NEXN: variants seen among roughly 807,000 people sequenced by gnomAD.
NEXN encodes nexilin F-actin binding protein.
NEXN carries 65 observed loss-of-function variants against 92.6 expected under a neutral mutation model. The ratio of observed to expected loss-of-function variants is 0.70; its 90% confidence interval spans 0.57 to 0.86. The LOEUF is 0.86. NEXN is among the 40% of genes least tolerant of loss of function. The pLI is 0.00. For synonymous variants in NEXN, 254 were observed against 242.5 expected (o/e 1.05, Z -0.44); for missense variants, 778 against 771.1 (o/e 1.01, Z -0.11).
intron 11 of NEXN, among the ~76,000 whole-genome samples, chr1:77,938,429 T>C (rs549554280): frequency 2.6e-5 from 4 of 151,846 alleles, no homozygotes; most frequent in Admixed American, 2.6e-4. Flanking sequence ...GGCGGGCGGA[T>C]CACCAGGTCA....
chr1:77,890,999 C>T (rs9662911), intron 1 of NEXN, among the ~76,000 whole-genome samples: 151,499 of 152,308 alleles, frequency 0.99, 75,350 homozygotes, highest in Middle Eastern at 1. Context: ...AATCAATCTG[C>T]GGTCCATATC....
chr1:77,943,246 A>AC lies in NEXN; in HGVS notation c.*417_*418insC, dbSNP rs201203673. ...GTTTAAAAAACAAAAACAAAAAAAAAACACACAAACCTAAGTAGAATACAT... is the reference window on the plus strand; with the variant it reads ...GTTTAAAAAACAAAAACAAAAAAAAACACACACAAACCTAAGTAGAATACAT... On this transcript the variant is annotated 3_prime_UTR_variant, in exon 13 of 13. Coordinates refer to ENST00000334785, the MANE Select transcript of NEXN (RefSeq NM_144573.4). 0.011 allele frequency: 2,429 copies of AC among 228,518 alleles called. 50 individuals carry two copies. Among genetic ancestry groups the AC allele is most frequent in the African/African-American group, 0.053 (2,266 of 42,990 alleles). The allele number at this position is 228,518 out of a possible 1,614,324, so 14.2% of individuals were successfully genotyped here. A position where few individuals can be genotyped will look rare whatever the true frequency, so the allele number is the denominator to read the frequency against.
intron 10 of NEXN, among the ~76,000 whole-genome samples, chr1:77,935,287 C>A (rs1261406268): frequency 2.0e-5 from 3 of 152,198 alleles, no homozygotes; most frequent in African/African-American, 7.2e-5. Flanking sequence ...ATCTGCCTAC[C>A]TTGGCCTCCC....
intron 1 of NEXN, among the ~76,000 whole-genome samples, chr1:77,894,333 G>A (rs571543870): frequency 6.6e-6 from 1 of 152,222 alleles, no homozygotes; most frequent in South Asian, 2.1e-4. Context: ...AGGTGAAATA[G>A]GATCTAATTT....
At chr1:77,922,598 A>T (rs1649511948) in intron 5 of NEXN, among the ~76,000 whole-genome samples, 1 of 150,050 alleles carries the variant, frequency 6.7e-6, no homozygotes, top group East Asian at 2.0e-4. Context: ...ATACAAAATT[A>T]TTCTTTTTTT....
At chr1:77,937,268 C>T (rs1215986510) in intron 11 of NEXN, among the ~76,000 whole-genome samples, 1 of 152,088 alleles carries the variant, frequency 6.6e-6, no homozygotes, top group East Asian at 1.9e-4. Flanking sequence ...TGCACCACTG[C>T]ACTCCAGCCT....
In NEXN at chr1:77,935,983, G is replaced by T. The variant is rs746761862; in HGVS notation, c.1412G>T (p.Arg471Leu). ...ATACAGAAAAAAATAGAAGAAGAGCGAGCAAGAAGGAGAGCAATTGACCTT... is the reference window on the plus strand; with the variant it reads ...ATACAGAAAAAAATAGAAGAAGAGCTAGCAAGAAGGAGAGCAATTGACCTT... ...KEIQKKIEEE[R>L]ARRRAIDLEI... The change falls in exon 11 of 13, where the codon CGA becomes CTA. Residue 471 changes from arginine (R) to leucine (L), a missense_variant. Transcript: ENST00000334785. 2 of 1,613,870 alleles carry T rather than the reference G, an allele frequency of 1.2e-6. No homozygotes were observed. The highest frequency in any genetic ancestry group is 2.2e-5 in the South Asian group (2 of 90,966).
intron 6 of NEXN, among the ~76,000 whole-genome samples, chr1:77,925,634 T>C (rs1250856735): frequency 6.6e-6 from 1 of 152,192 alleles, no homozygotes; most frequent in African/African-American, 2.4e-5. Flanking sequence ...TATATAATAG[T>C]ACAGAGTGCA....
chr1:77,918,628 TG>T (rs1649177165), intron 5 of NEXN, among the ~76,000 whole-genome samples: 2 of 144,048 alleles, frequency 1.4e-5, no homozygotes. Context: ...ATCATGCCAC[TG>T]GACTCCAGCC....
chr1:77,935,842 C>T lies in NEXN; in HGVS notation c.1271C>T (p.Thr424Ile), dbSNP rs200442502. ...EMGEEEEENE[T>I]FGLSREYEEL... ...TTGAAGGAAGAGGAAGAAAATGAAA[C>T]CTTTGGATTGAGCAGAGAATATGAA... Residue 424 changes from threonine (T) to isoleucine (I), a missense_variant, in exon 11 of 13, where the codon ACC becomes ATC. Transcript: ENST00000334785. The T allele has an allele frequency of 2.0e-5, 32 of 1,612,302 alleles. No individual in the cohort carries two copies. Among genetic ancestry groups the T allele is most frequent in the Middle Eastern group, 1.9e-4 (1 of 5,248 alleles).
At chr1:77,895,029 ATTTTTTTTTTTTTTTTTTTTTTTTTT>A (rs559226754) in intron 1 of NEXN, among the ~76,000 whole-genome samples, 1 of 61,630 alleles carries the variant, frequency 1.6e-5, no homozygotes, top group Admixed American at 2.4e-4. Context: ...CTATAGTGTA[ATTTTTTTTTTTTTTTTTTTTTTTTTT>A]TTTTTTTGAG....
At position 77,926,915 on chromosome 1, in the gene NEXN, T is replaced by C. The variant is rs771495871; in HGVS notation, c.864+23T>C. 1.9e-6 allele frequency: 3 copies of C among 1,613,330 alleles called. No individual in the cohort carries two copies. In the East Asian group the frequency reaches 6.7e-5, roughly 36 times the overall value. On this transcript the variant is annotated intron_variant, in intron 8 of 12. Coordinates refer to ENST00000334785, the MANE Select transcript of NEXN (RefSeq NM_144573.4). Reference sequence around the variant, plus strand: ...ATGGTAAATCTACATATTTAAACCTTACAATTAATATTAATGAAGTTAGCC... The same window carrying C: ...ATGGTAAATCTACATATTTAAACCTCACAATTAATATTAATGAAGTTAGCC...
chr1:77,900,534 A>G (rs1647616215), intron 1 of NEXN, among the ~76,000 whole-genome samples: 1 of 152,230 alleles, frequency 6.6e-6, no homozygotes, highest in Admixed American at 6.5e-5. Flanking sequence ...TCACAAAAAT[A>G]ATGTATTGTA....
chr1:77,931,404 C>G (rs1483576726), intron 9 of NEXN, among the ~76,000 whole-genome samples: 24 of 98,622 alleles, frequency 2.4e-4, no homozygotes, highest in Middle Eastern at 0.013. Flanking sequence ...CAGAGTGAGA[C>G]TCCGTCTCAA....
intron 1 of NEXN, among the ~76,000 whole-genome samples, chr1:77,898,347 A>T (rs997618308): frequency 1.3e-5 from 2 of 152,214 alleles, no homozygotes; most frequent in African/African-American, 4.8e-5. Flanking sequence ...AGCCCTCAGA[A>T]ATAATGCCAC....
At chr1:77,905,561 G>A (rs562669188) in intron 1 of NEXN, among the ~76,000 whole-genome samples, 1 of 152,162 alleles carries the variant, frequency 6.6e-6, no homozygotes, top group African/African-American at 2.4e-5. Flanking sequence ...GTATGGTGGT[G>A]CAAGCCTGTA....
intron 1 of NEXN, among the ~76,000 whole-genome samples, chr1:77,908,108 T>C (rs1648265654): frequency 6.6e-6 from 1 of 152,064 alleles, no homozygotes; most frequent in Non-Finnish European, 1.5e-5. Flanking sequence ...GACAGTCTCA[T>C]GCTTTGTTGC....
chr1:77,936,146 T>A (rs918989611), intron 11 of NEXN, 102 bp downstream of exon 11: 2 of 843,808 alleles, frequency 2.4e-6, no homozygotes, highest in African/African-American at 3.4e-5. Flanking sequence ...TTAAAATTAA[T>A]CATTGGTATA....
chr1:77,926,854 G>C lies in NEXN; in HGVS notation c.826G>C (p.Glu276Gln). 6.2e-7 allele frequency: 1 copy of C among 1,613,946 alleles called. No individual in the cohort carries two copies. Among genetic ancestry groups the C allele is most frequent in the South Asian group, 1.1e-5 (1 of 91,084 alleles). Residue 276 changes from glutamate to glutamine, a missense_variant, in exon 8 of 13, where the codon GAA becomes CAA. This residue lies in a region of NEXN where 532 missense variants were observed against 476.7 expected (regional missense o/e 1.12). Coordinates refer to ENST00000334785, the MANE Select transcript of NEXN (RefSeq NM_144573.4). ...AEEEARKRLE[E>Q]EKRAFEEARR... ...AGAGGAAGCAAGAAAACGTTTAGAA[G>C]AAGAGAAGCGTGCTTTTGAAGAAGC... is the stretch of plus-strand genomic sequence containing the variant.
Sources: allele counts gnomAD v4.1 joint callset (sites outside exome capture counted in the v4.1 genomes callset), GRCh38; gene constraint gnomAD v4.1.1; regional missense constraint gnomAD v4.1.1; transcripts MANE v1.5; gene names NCBI Gene and HGNC (gene_info 2026-07-23, HGNC 2026-07-21).